Variants in FILIP1L observed in about 807,000 individuals in gnomAD.
The protein encoded by FILIP1L is filamin A interacting protein 1 like, also known as filamin A-interacting protein 1-like.
Under a neutral mutation model 96.6 loss-of-function variants are expected in FILIP1L, and 55 were observed. That is an observed-to-expected ratio of 0.57 (90% CI 0.46 to 0.71). FILIP1L has a LOEUF of 0.71. Ranked by LOEUF, FILIP1L falls within the 30% of genes least tolerant of loss-of-function variation. The pLI is 0.00. For synonymous variants in FILIP1L, 467 were observed against 473.9 expected, an observed-to-expected ratio of 0.99 and a Z score of 0.19; for missense variants, 1,304 against 1,321.2, an observed-to-expected ratio of 0.99 and a Z score of 0.20.
At chr3:100,079,257 A>G (rs1287682893) in intron 1 of FILIP1L, among the ~76,000 whole-genome samples, 1 of 152,220 alleles carries the variant, frequency 6.6e-6, no homozygotes, top group African/African-American at 2.4e-5. Flanking sequence ...AAGAGTTACT[A>G]TCGATGCTTT....
intron 1 of FILIP1L, among the ~76,000 whole-genome samples, chr3:100,098,304 A>T (rs1444166962): frequency 1.3e-5 from 2 of 152,232 alleles, no homozygotes; most frequent in African/African-American, 4.8e-5. Context: ...ACTGTGTTTT[A>T]GAGTGAAAAA....
At chr3:100,016,306 C>A (rs2107213700) in intron 1 of FILIP1L, among the ~76,000 whole-genome samples, 1 of 152,300 alleles carries the variant, frequency 6.6e-6, no homozygotes, top group East Asian at 1.9e-4. Flanking sequence ...GATTCTCCTG[C>A]CTCAGCCTCC....
chr3:99,829,699 G>A lies in FILIP1L; in HGVS notation c.*715C>T, dbSNP rs1299076949. Reference sequence around the variant, plus strand: ...GATATGAATAAACAATGTCCTGTGAGATGATAAATTCTGTATTTTTTCAAG... The same window carrying A: ...GATATGAATAAACAATGTCCTGTGAAATGATAAATTCTGTATTTTTTCAAG... On this transcript the variant is annotated 3_prime_UTR_variant, in exon 6 of 6. Transcript: ENST00000477258. Among the ~76,000 whole-genome samples, 1 of 152,202 alleles carries A rather than the reference G, an allele frequency of 6.6e-6. No individual in the cohort carries two copies. The highest frequency in any genetic ancestry group is 1.5e-5 in the Non-Finnish European group (1 of 68,040).
intron 1 of FILIP1L, among the ~76,000 whole-genome samples, chr3:99,969,239 A>G (rs926490290): frequency 6.6e-6 from 1 of 152,188 alleles, no homozygotes; most frequent in Non-Finnish European, 1.5e-5. Context: ...GGGATAATGT[A>G]TGTATAATTC....
intron 4 of FILIP1L, among the ~76,000 whole-genome samples, chr3:99,909,264 G>A (rs1278381209): frequency 6.6e-6 from 1 of 152,190 alleles, no homozygotes; most frequent in African/African-American, 2.4e-5. Context: ...AGAAAATGGA[G>A]CAGAGGTACT....
At chr3:100,000,087 C>A (rs925939700) in intron 1 of FILIP1L, among the ~76,000 whole-genome samples, 3 of 152,152 alleles carry the variant, frequency 2.0e-5, no homozygotes, top group Non-Finnish European at 2.9e-5. Context: ...CAAGTTGATT[C>A]TAATATATAA....
In FILIP1L at chr3:99,841,483, A is replaced by G. The variant is rs931713931; in HGVS notation, c.3381+6812T>C. Among the ~76,000 whole-genome samples the G allele has an allele frequency of 2.6e-5, 4 of 152,258 alleles. No individual in the cohort carries two copies. The South Asian group carries it at 8.3e-4, about 32-fold the overall frequency. On this transcript the variant is annotated intron_variant, in intron 5 of 5. Transcript: ENST00000477258. Reference sequence around the variant, plus strand: ...TCAATTCCCTCTGTATTAGCTTGTAACCACCACAGGCATGAATATTCATTA... The same window carrying G: ...TCAATTCCCTCTGTATTAGCTTGTAGCCACCACAGGCATGAATATTCATTA...
intron 1 of FILIP1L, among the ~76,000 whole-genome samples, chr3:99,988,511 C>CAA (rs757175318): frequency 0.27 from 12,917 of 47,332 alleles, 1,114 homozygotes; most frequent in Middle Eastern, 0.33. Flanking sequence ...GACTCCATCT[C>CAA]AAAAAAAAAA....
chr3:99,852,087 G>A (rs1242341639), intron 4 of FILIP1L, among the ~76,000 whole-genome samples: 2 of 152,094 alleles, frequency 1.3e-5, no homozygotes, highest in African/African-American at 4.8e-5. Context: ...ATAACAGGAG[G>A]GTATTTTACA....
chr3:99,959,862 GC>G (rs1230996425), intron 1 of FILIP1L, among the ~76,000 whole-genome samples: 2 of 152,058 alleles, frequency 1.3e-5, no homozygotes, highest in African/African-American at 2.4e-5. Context: ...TCTTGACTGA[GC>G]CCCCCAGCCC....
chr3:100,101,562 A>G (rs2066305845), intron 1 of FILIP1L, among the ~76,000 whole-genome samples: 1 of 152,110 alleles, frequency 6.6e-6, no homozygotes, highest in Non-Finnish European at 1.5e-5. Flanking sequence ...CTTCAAAGTA[A>G]CACATGCACT....
intron 1 of FILIP1L, among the ~76,000 whole-genome samples, chr3:99,940,615 A>G (rs374894734): frequency 6.6e-6 from 1 of 152,336 alleles, no homozygotes. Flanking sequence ...CTTCTTGTTC[A>G]TAGGCCAACC....
At chr3:99,981,124 G>A (rs1189346109) in intron 1 of FILIP1L, among the ~76,000 whole-genome samples, 1 of 152,176 alleles carries the variant, frequency 6.6e-6, no homozygotes, top group African/African-American at 2.4e-5. Flanking sequence ...CTCTGTCCGA[G>A]CATTGTGCCA....
intron 1 of FILIP1L, among the ~76,000 whole-genome samples, chr3:100,062,205 G>A (rs1298727919): frequency 6.9e-6 from 1 of 144,762 alleles, no homozygotes; most frequent in African/African-American, 2.6e-5. Flanking sequence ...TCCGCCTCCC[G>A]GGTTCAGGCC....
At chr3:100,011,959 T>C (rs1710168640) in intron 1 of FILIP1L, among the ~76,000 whole-genome samples, 1 of 152,218 alleles carries the variant, frequency 6.6e-6, no homozygotes, top group Non-Finnish European at 1.5e-5. Context: ...ATATAAGATA[T>C]TGTGTGGCTG....
Position 100,075,985 on chromosome 3 carries a change from G to A in FILIP1L, c.-11+38068C>T, listed in dbSNP as rs1453145426. 5.9e-5 allele frequency among the ~76,000 whole-genome samples: 9 copies of A among 152,224 alleles called. No individual in the cohort carries two copies. The East Asian group carries it at 1.2e-3, about 20-fold the overall frequency. On this transcript the variant is annotated intron_variant, in intron 1 of 5. Transcript: ENST00000477258. ...ATAGGCCCTCAGACCTCACTTTGAAGACACAAAACTATGTAATTTCTAAGA... is the reference window on the plus strand; with the variant it reads ...ATAGGCCCTCAGACCTCACTTTGAAAACACAAAACTATGTAATTTCTAAGA...
At chr3:100,006,725 TTAA>T (rs2107181595) in intron 1 of FILIP1L, among the ~76,000 whole-genome samples, 1 of 151,990 alleles carries the variant, frequency 6.6e-6, no homozygotes, top group East Asian at 1.9e-4. Flanking sequence ...AGTTTGCTAG[TTAA>T]GTTAGGAAAT....
chr3:100,076,872 T>C (rs1365498207), intron 1 of FILIP1L, among the ~76,000 whole-genome samples: 2 of 152,248 alleles, frequency 1.3e-5, no homozygotes, highest in Non-Finnish European at 2.9e-5. Flanking sequence ...TATCATTTCT[T>C]GCCCACTATT....
At chr3:100,069,341 GAATA>G (rs1352401865) in intron 1 of FILIP1L, among the ~76,000 whole-genome samples, 1 of 151,884 alleles carries the variant, frequency 6.6e-6, no homozygotes, top group Non-Finnish European at 1.5e-5. Context: ...TTAATTTCTT[GAATA>G]AATTACCTAA....
Sources: gnomAD v4.1 joint callset for allele counts (sites outside exome capture counted in the v4.1 genomes callset) on GRCh38, gnomAD v4.1.1 for gene constraint, MANE v1.5 for transcripts, NCBI Gene and HGNC (gene_info 2026-07-23, HGNC 2026-07-21) for gene names.